Variants in ZDBF2 observed in about 807,000 individuals in gnomAD.
ZDBF2 encodes DBF4-type zinc finger-containing protein 2.
ZDBF2 carries 6 observed loss-of-function variants against 9.4 expected under a neutral mutation model. The observed-to-expected ratio is 0.64, with a 90% CI of 0.35 to 1.27. The LOEUF (loss-of-function observed/expected upper bound fraction) is 1.27, where lower values mean the gene tolerates loss of function less well. Ranked by LOEUF, ZDBF2 falls within the 50% of genes most tolerant of loss-of-function variation. The pLI is 0.03. For missense variants in ZDBF2, 2,697 were observed against 2,766.8 expected (o/e 0.97, Z 0.57); for synonymous variants, 905 against 946.3 (o/e 0.96, Z 0.80).
rs1692904103 is a variant in ZDBF2, at chr2:206,307,890, A to G, written c.3362A>G (p.Asp1121Gly). The G allele has an allele frequency of 1.2e-6, 2 of 1,613,722 alleles. No individual in the cohort carries two copies. Among genetic ancestry groups the G allele is most frequent in the East Asian group, 4.5e-5 (2 of 44,878 alleles). ...PSTYKLIHHP[D>G]VSVQSVADQP... is the part of the protein sequence containing the mutation. The stretch of plus-strand genomic sequence containing the variant: ...ACTTATAAATTAATACATCATCCTG[A>G]TGTTTCTGTCCAATCTGTGGCTGAT... Residue 1121 changes from aspartate to glycine, a missense_variant, in exon 5 of 5, where the codon GAT becomes GGT. Around this residue, in one of 3 missense-constraint regions of ZDBF2, gnomAD observed 1,783 missense variants for 1,776.5 expected, o/e 1.00. Coordinates refer to ENST00000374423, the MANE Select transcript of ZDBF2 (RefSeq NM_020923.3).
Position 206,308,154 on chromosome 2 carries a change from C to T in ZDBF2, c.3626C>T (p.Ser1209Leu). 6.2e-7 allele frequency: 1 copy of T among 1,613,890 alleles called. No homozygotes were observed. Among genetic ancestry groups the T allele is most frequent in the Non-Finnish European group, 8.5e-7 (1 of 1,179,836 alleles). Reference protein sequence around the residue: ...VSFDSDDPLQSVADRLRETVK... With the variant: ...VSFDSDDPLQLVADRLRETVK... Reference sequence around the variant, plus strand: ...TTTGATTCTGATGACCCTCTTCAGTCAGTGGCTGACCGGCTGAGAGAAACC... The same window carrying T: ...TTTGATTCTGATGACCCTCTTCAGTTAGTGGCTGACCGGCTGAGAGAAACC... The change falls in exon 5 of 5, where the codon TCA (serine) becomes TTA (leucine). Residue 1209 changes from serine to leucine, a missense_variant. Transcript: ENST00000374423.
rs779742500 is a variant in ZDBF2, at chr2:206,304,699, T to TC, written c.189-12dup. ...AGACATTAGAATATGTTTATGAGTTTCCCCCCTTTCGTTTTAGTTCAACAC... is the reference window on the plus strand; with the variant it reads ...AGACATTAGAATATGTTTATGAGTTTCCCCCCCTTTCGTTTTAGTTCAACAC... On this transcript the variant is annotated splice_polypyrimidine_tract_variant and intron_variant, in intron 4 of 4. Transcript: ENST00000374423. 6.3e-7 allele frequency: 1 copy of TC among 1,582,182 alleles called. No homozygotes were observed. The highest frequency in any genetic ancestry group is 8.6e-7 in the Non-Finnish European group (1 of 1,168,072).
chr2:206,306,078 ACCTT>A lies in ZDBF2; in HGVS notation c.1554_1557del (p.Pro519ArgfsTer19). ...CCCCAACAATCTGTAACAGAAGTAA[ACCTT>A]CCTAAGGAAGTGCACATTGGTTTGG... On this transcript the variant is annotated frameshift_variant, in exon 5 of 5. Transcript: ENST00000374423. LOFTEE classifies it low-confidence loss of function (END_TRUNC). The A allele has an allele frequency of 6.2e-7, 1 of 1,613,830 alleles. No homozygotes were observed. Among genetic ancestry groups the A allele is most frequent in the Non-Finnish European group, 8.5e-7 (1 of 1,179,800 alleles).
chr2:206,311,683 G>A lies in ZDBF2; in HGVS notation c.*90G>A. The A allele has an allele frequency of 8.1e-7, 1 of 1,233,138 alleles. No individual in the cohort carries two copies. Among genetic ancestry groups the A allele is most frequent in the East Asian group, 2.8e-5 (1 of 35,544 alleles). 76.4% of individuals were successfully genotyped at this position (1,233,138 alleles called of 1,614,324 possible). A position where few individuals can be genotyped will look rare whatever the true frequency, so the allele number is the denominator to read the frequency against. Reference sequence around the variant, plus strand: ...TGTGCACACAGCTTTCCCAGCTTTGGTGAGAAAACTAATCTTGAACTATTT... The same window carrying A: ...TGTGCACACAGCTTTCCCAGCTTTGATGAGAAAACTAATCTTGAACTATTT... On this transcript the variant is annotated 3_prime_UTR_variant, in exon 5 of 5. Transcript: ENST00000374423.
chr2:206,293,318 A>G (rs949293990), intron 3 of ZDBF2, among the ~76,000 whole-genome samples: 2 of 152,164 alleles, frequency 1.3e-5, no homozygotes, highest in South Asian at 2.1e-4. Flanking sequence ...GAAGTAGACT[A>G]TGATTTGGCT....
At chr2:206,281,323 C>T (rs1344212245) in intron 2 of ZDBF2, among the ~76,000 whole-genome samples, 1 of 152,118 alleles carries the variant, frequency 6.6e-6, no homozygotes, top group East Asian at 1.9e-4. Flanking sequence ...ATTTAAAAAC[C>T]TGCCTCTCTA....
At position 206,305,600 on chromosome 2, in the gene ZDBF2, T is replaced by C; in HGVS notation, c.1072T>C (p.Cys358Arg). 3 of 1,613,864 alleles carry C rather than the reference T, an allele frequency of 1.9e-6. No homozygotes were observed. Among genetic ancestry groups the C allele is most frequent in the Non-Finnish European group, 2.5e-6 (3 of 1,179,814 alleles). ...CAAGACAGCCTTTTGGGAACAGAAG[T>C]GCTCAGTGAGTTCTGAAATGAAGTT... ...FNKTAFWEQK[C>R]SVSSEMKFDC... The change falls in exon 5 of 5, where the codon TGC becomes CGC. Residue 358 changes from cysteine to arginine, a missense_variant. This residue lies in a region of ZDBF2 where 910 missense variants were observed against 973.6 expected (regional missense o/e 0.93). Transcript: ENST00000374423.
chr2:206,311,688 A>G lies in ZDBF2; in HGVS notation c.*95A>G, dbSNP rs1257905393. The G allele has an allele frequency of 2.5e-6, 3 of 1,215,900 alleles. No individual in the cohort carries two copies. The highest frequency in any genetic ancestry group is 3.2e-6 in the Non-Finnish European group (3 of 940,220). 75.3% of individuals were successfully genotyped at this position (1,215,900 alleles called of 1,614,324 possible). A position where few individuals can be genotyped will look rare whatever the true frequency, so the allele number is the denominator to read the frequency against. ...ACACAGCTTTCCCAGCTTTGGTGAGAAAACTAATCTTGAACTATTTTGCTA... is the reference window on the plus strand; with the variant it reads ...ACACAGCTTTCCCAGCTTTGGTGAGGAAACTAATCTTGAACTATTTTGCTA... On this transcript the variant is annotated 3_prime_UTR_variant, in exon 5 of 5. Coordinates refer to ENST00000374423, the MANE Select transcript of ZDBF2 (RefSeq NM_020923.3).
In ZDBF2 at chr2:206,282,872, C is replaced by T. The variant is rs1375417193; in HGVS notation, c.60+963C>T. On this transcript the variant is annotated intron_variant, in intron 3 of 4. Transcript: ENST00000374423. ...ACGCACTGAGCAGTAACTCACTCCT[C>T]CCTTCTGTCACCAGCCCCTGGCAAC... 2.6e-5 allele frequency among the ~76,000 whole-genome samples: 4 copies of T among 152,232 alleles called. No individual in the cohort carries two copies. In the South Asian group the frequency reaches 8.3e-4, roughly 31 times the overall value.
Position 206,280,620 on chromosome 2 carries a change from T to C in ZDBF2, c.-50+1028T>C, listed in dbSNP as rs551480712. ...TAAGTAATGTCTTACATGTTTTTTG[T>C]GTCAGAGGCTGGTTTAATTGATTAA... is the stretch of plus-strand genomic sequence containing the variant. On this transcript the variant is annotated intron_variant, in intron 2 of 4. Transcript: ENST00000374423. 2.6e-5 allele frequency among the ~76,000 whole-genome samples: 4 copies of C among 152,346 alleles called. No homozygotes were observed. In the South Asian group the frequency reaches 8.3e-4, roughly 32 times the overall value.
chr2:206,295,644 G>T (rs1051196742), intron 3 of ZDBF2, among the ~76,000 whole-genome samples: 10 of 152,174 alleles, frequency 6.6e-5, no homozygotes, highest in African/African-American at 2.2e-4. Context: ...AAAGTGCTGG[G>T]ATTACAGGCC....
In ZDBF2 at chr2:206,306,107, G is replaced by A. The variant is rs747034839; in HGVS notation, c.1579G>A (p.Val527Ile). 1 of 1,613,700 alleles carries A rather than the reference G, an allele frequency of 6.2e-7. No homozygotes were observed. Among genetic ancestry groups the A allele is most frequent in the African/African-American group, 1.3e-5 (1 of 74,918 alleles). The change falls in exon 5 of 5, where the codon GTT becomes ATT. Residue 527 changes from valine (V) to isoleucine (I), a missense_variant. Around this residue, in one of 3 missense-constraint regions of ZDBF2, gnomAD observed 910 missense variants for 973.6 expected, o/e 0.93. Transcript: ENST00000374423. ...TCCTAAGGAAGTGCACATTGGTTTG[G>A]TTGATAAGAACTATGGTTCCAGTAG... ...NLPKEVHIGL[V>I]DKNYGSSSSE...
In ZDBF2 at chr2:206,305,201, G is replaced by A; in HGVS notation, c.673G>A (p.Glu225Lys). The A allele has an allele frequency of 6.2e-7, 1 of 1,613,832 alleles. No homozygotes were observed. The highest frequency in any genetic ancestry group is 2.2e-5 in the East Asian group (1 of 44,876). ...TAGCAAATGTGACCCAAACAAAGTTGAGAAATATCTTGAACAGCCAGATGG... is the reference window on the plus strand; with the variant it reads ...TAGCAAATGTGACCCAAACAAAGTTAAGAAATATCTTGAACAGCCAGATGG... ...SVSKCDPNKV[E>K]KYLEQPDGAS... is the part of the protein sequence containing the mutation. Residue 225 changes from glutamate (E) to lysine (K), a missense_variant, in exon 5 of 5, where the codon GAG becomes AAG. Glu to Lys is a moderately conservative substitution (Grantham distance 56, BLOSUM62 1). Transcript: ENST00000374423.
At chr2:206,291,013 G>A (rs1559138161) in intron 3 of ZDBF2, among the ~76,000 whole-genome samples, 1 of 152,106 alleles carries the variant, frequency 6.6e-6, no homozygotes, top group East Asian at 1.9e-4. Flanking sequence ...TCATGAAAGG[G>A]TATAGGCTTT....
chr2:206,277,952 C>T (rs1691112403), intron 1 of ZDBF2, among the ~76,000 whole-genome samples: 2 of 152,118 alleles, frequency 1.3e-5, no homozygotes, highest in Non-Finnish European at 2.9e-5. Context: ...AAATGAAATA[C>T]TATGCAATCA....
rs377262471 is a variant in ZDBF2 at position 206,305,458 on chromosome 2, G to A, written c.930G>A (p.Pro310=). The part of the protein sequence containing the change: ...VKSPSKLAVN[P]NKTDMPSNKG... ...CTCCTTCCAAATTAGCAGTAAACCC[G>A]AATAAAACTGACATGCCTTCTAATA... Residue 310 remains proline (P), a synonymous_variant, in exon 5 of 5, where the codon CCG becomes CCA. Transcript: ENST00000374423. 2.6e-5 allele frequency: 42 copies of A among 1,613,042 alleles called. No homozygotes were observed. The highest frequency in any genetic ancestry group is 3.5e-5 in the Non-Finnish European group (41 of 1,179,644).
chr2:206,295,052 T>C (rs944528086), intron 3 of ZDBF2, among the ~76,000 whole-genome samples: 6 of 152,298 alleles, frequency 3.9e-5, no homozygotes, highest in Admixed American at 2.0e-4. Context: ...AGCACTAGCA[T>C]GGACCTCTGA....
At position 206,309,815 on chromosome 2, in the gene ZDBF2, C is replaced by T; in HGVS notation, c.5287C>T (p.Pro1763Ser). 2 of 1,613,776 alleles carry T rather than the reference C, an allele frequency of 1.2e-6. No individual in the cohort carries two copies. The highest frequency in any genetic ancestry group is 2.7e-5 in the African/African-American group (2 of 75,006). Residue 1763 changes from proline to serine, a missense_variant, in exon 5 of 5, where the codon CCT becomes TCT. This residue lies in a region of ZDBF2 where 1,783 missense variants were observed against 1,776.5 expected (regional missense o/e 1.00). Transcript: ENST00000374423. ...CCCTCTTCCATCTGATACTGATCAG[C>T]CTCAAGAAACTGTTAAGAAAAGACA... ...APPLPSDTDQ[P>S]QETVKKRHPC...
In ZDBF2 at chr2:206,297,231, C is replaced by CT. The variant is rs1559142105; in HGVS notation, c.61-9dup. The CT allele has an allele frequency of 3.5e-6, 4 of 1,146,220 alleles. No homozygotes were observed. In the South Asian group the frequency reaches 5.1e-5, roughly 14 times the overall value. The allele number at this position is 1,146,220 out of a possible 1,614,324, so 71.0% of individuals were successfully genotyped here. A position where few individuals can be genotyped will look rare whatever the true frequency, so the allele number is the denominator to read the frequency against. On this transcript the variant is annotated splice_polypyrimidine_tract_variant and intron_variant, in intron 3 of 4. Transcript: ENST00000374423. ...CTGTCCATTTAAAAATATTCCATTT[C>CT]TTTTTTCTTTATAGCATTTGTTCAG...
Sources: gnomAD v4.1 joint callset for allele counts (sites outside exome capture counted in the v4.1 genomes callset) on GRCh38, gnomAD v4.1.1 for gene constraint, gnomAD v4.1.1 regional missense constraint, MANE v1.5 for transcripts, NCBI Gene and HGNC (gene_info 2026-07-23, HGNC 2026-07-21) for gene names.